Variants in TPTE observed in about 807,000 individuals in gnomAD.
TPTE encodes the protein transmembrane phosphatase with tensin homology.
Under a neutral mutation model 84.1 loss-of-function variants are expected in TPTE, and 59 were observed. The observed-to-expected ratio is 0.70, with a 90% CI of 0.57 to 0.87. The LOEUF is 0.87. TPTE is among the 40% of genes least tolerant of loss of function. TPTE has a pLI of 0.00. For missense variants in TPTE, 382 were observed against 659.6 expected (o/e 0.58, Z 4.61); for synonymous variants, 130 against 223.5 (o/e 0.58, Z 3.73).
At chr21:10,593,304 A>T (rs2075520919) in intron 19 of TPTE, among the ~76,000 whole-genome samples, 1 of 152,312 alleles carries the variant, frequency 6.6e-6, no homozygotes, top group African/African-American at 2.4e-5. Context: ...ATCATATCTA[A>T]CAATATTATA....
chr21:10,540,526 A>G (rs1434535159), intron 4 of TPTE, among the ~76,000 whole-genome samples: 1 of 152,300 alleles, frequency 6.6e-6, no homozygotes, highest in African/African-American at 2.4e-5. Context: ...TTGCAGGGAG[A>G]AGGAGATAGG....
chr21:10,539,803 A>C (rs2074334675), intron 4 of TPTE, among the ~76,000 whole-genome samples: 2 of 152,306 alleles, frequency 1.3e-5, no homozygotes, highest in African/African-American at 4.8e-5. Flanking sequence ...CGAGATCAGT[A>C]GTTCAAGGCC....
At chr21:10,539,305 A>G (rs561349091) in intron 4 of TPTE, among the ~76,000 whole-genome samples, 61 of 152,394 alleles carry the variant, frequency 4.0e-4, no homozygotes, top group African/African-American at 1.3e-3. Flanking sequence ...AGCTCTGTCA[A>G]CATATGAGGT....
intron 3 of TPTE, among the ~76,000 whole-genome samples, chr21:10,528,578 C>T (rs2074122196): frequency 6.6e-6 from 1 of 152,310 alleles, no homozygotes; most frequent in Non-Finnish European, 1.5e-5. Flanking sequence ...AATGCAGCAA[C>T]CTTACATAGA....
chr21:10,565,572 A>C (rs1477757788), intron 10 of TPTE, among the ~76,000 whole-genome samples: 1 of 152,308 alleles, frequency 6.6e-6, no homozygotes, highest in Non-Finnish European at 1.5e-5. Flanking sequence ...AAAAAGAACA[A>C]AGCTGGAGGA....
chr21:10,564,578 T>C (rs1419490315), intron 10 of TPTE, among the ~76,000 whole-genome samples: 1 of 152,304 alleles, frequency 6.6e-6, no homozygotes, highest in Non-Finnish European at 1.5e-5. Context: ...ATATATCTGA[T>C]AAATATTGAT....
At chr21:10,579,219 C>T (rs1259823508) in intron 17 of TPTE, among the ~76,000 whole-genome samples, 3 of 152,312 alleles carry the variant, frequency 2.0e-5, no homozygotes, top group Non-Finnish European at 2.9e-5. Flanking sequence ...TGAAATTTTG[C>T]ATCCTTTAAT....
intron 3 of TPTE, among the ~76,000 whole-genome samples, chr21:10,531,483 C>T (rs1461543858): frequency 2.2e-3 from 332 of 152,292 alleles, no homozygotes; most frequent in African/African-American, 7.6e-3. Flanking sequence ...CAGCACACAA[C>T]TGTGAGCCAA....
chr21:10,542,202 A>G (rs2074381509), intron 5 of TPTE, among the ~76,000 whole-genome samples, 193 bp from the exon 6 acceptor site: 2 of 152,308 alleles, frequency 1.3e-5, no homozygotes, highest in South Asian at 4.1e-4. Context: ...CCCCCGCCTA[A>G]GATTTTGGTT....
intron 8 of TPTE, among the ~76,000 whole-genome samples, chr21:10,553,216 G>A (rs1224838343): frequency 2.0e-5 from 3 of 152,300 alleles, no homozygotes; most frequent in Non-Finnish European, 4.4e-5. Context: ...GCACTGACCT[G>A]AAGGCATTTT....
chr21:10,593,296 C>A (rs2075520837), intron 19 of TPTE, among the ~76,000 whole-genome samples: 1 of 152,310 alleles, frequency 6.6e-6, no homozygotes, highest in Admixed American at 6.5e-5. Flanking sequence ...CACTTTTTAT[C>A]ATATCTAACA....
chr21:10,541,494 G>GCACA (rs71250996), intron 5 of TPTE, among the ~76,000 whole-genome samples: 161 of 151,976 alleles, frequency 1.1e-3, no homozygotes, highest in African/African-American at 3.6e-3. Flanking sequence ...AAAAAAAGAT[G>GCACA]CACACACACA....
At chr21:10,555,459 G>A (rs2074663090) in intron 8 of TPTE, among the ~76,000 whole-genome samples, 1 of 152,310 alleles carries the variant, frequency 6.6e-6, no homozygotes, top group Non-Finnish European at 1.5e-5. Flanking sequence ...ACCCACCTTG[G>A]CCACCCAAAG....
intron 19 of TPTE, among the ~76,000 whole-genome samples, chr21:10,594,309 T>C (rs1250466119): frequency 6.6e-6 from 1 of 152,310 alleles, no homozygotes; most frequent in African/African-American, 2.4e-5. Flanking sequence ...GCTTTTTCAA[T>C]TCTTAGAGCC....
intron 14 of TPTE, among the ~76,000 whole-genome samples, chr21:10,574,596 G>T (rs1376683434): frequency 3.3e-5 from 5 of 152,304 alleles, no homozygotes; most frequent in Admixed American, 1.3e-4. Context: ...AGATAACCAG[G>T]TTCTCACATT....
rs760134432 is a variant in TPTE at position 10,598,069 on chromosome 21, C to T, written c.1331C>T (p.Ser444Phe). 216 of 1,612,710 alleles carry T rather than the reference C, an allele frequency of 1.3e-4. No homozygotes were observed. Among genetic ancestry groups the T allele is most frequent in the South Asian group, 5.9e-4 (54 of 90,836 alleles). ...GAAATGGAGAAAAAGGTTGTCTTTTCCACTATTTCATTAGGAAAATGTTCG... is the reference window on the plus strand; with the variant it reads ...GAAATGGAGAAAAAGGTTGTCTTTTTCACTATTTCATTAGGAAAATGTTCG... ...QIEMEKKVVF[S>F]TISLGKCSVL... is the part of the protein sequence containing the mutation. The change falls in exon 21 of 24, where the codon TCC becomes TTC. Residue 444 changes from serine to phenylalanine, a missense_variant. Physicochemically the swap from Ser to Phe is radical, Grantham distance 155 (BLOSUM62 -2). Around this residue, in one of 10 missense-constraint regions of TPTE, gnomAD observed 36 missense variants for 36.3 expected, o/e 0.99. Transcript: ENST00000618007.
At chr21:10,578,806 G>A (rs1199533793) in intron 17 of TPTE, among the ~76,000 whole-genome samples, 2 of 152,306 alleles carry the variant, frequency 1.3e-5, no homozygotes, top group Admixed American at 6.5e-5. Context: ...GATAAGGAAG[G>A]GAAGAAAGTA....
At chr21:10,595,840 A>AT (rs2075571793) in intron 19 of TPTE, 142 bp from the exon 20 acceptor site, 1 of 1,144,722 alleles carries the variant, frequency 8.7e-7, no homozygotes, top group African/African-American at 1.6e-5. Context: ...ATCCCTAAAA[A>AT]TATCTAGTTA....
At chr21:10,562,524 A>G (rs1403356491) in intron 10 of TPTE, among the ~76,000 whole-genome samples, 2 of 152,306 alleles carry the variant, frequency 1.3e-5, no homozygotes, top group Non-Finnish European at 2.9e-5. Flanking sequence ...GATAACACAG[A>G]GAAGGAATTC....
Sources: gnomAD v4.1 joint callset for allele counts (sites outside exome capture counted in the v4.1 genomes callset) on GRCh38, gnomAD v4.1.1 for gene constraint, gnomAD v4.1.1 regional missense constraint, MANE v1.5 for transcripts, NCBI Gene and HGNC (gene_info 2026-07-23, HGNC 2026-07-21) for gene names.